Variants in BTRC observed in about 807,000 individuals in gnomAD.
BTRC encodes beta-transducin repeat containing E3 ubiquitin protein ligase.
BTRC carries 42 observed loss-of-function variants against 85.5 expected under a neutral mutation model. The ratio of observed to expected loss-of-function variants is 0.49; its 90% confidence interval spans 0.38 to 0.64. The LOEUF is 0.64. Ranked by LOEUF, BTRC falls within the 30% of genes least tolerant of loss-of-function variation. BTRC has a pLI of 0.00. For synonymous variants in BTRC, 255 were observed against 263.3 expected (o/e 0.97, Z 0.30); for missense variants, 594 against 743.5 (o/e 0.80, Z 2.34).
chr10:101,457,503 T>C (rs1195135353), intron 2 of BTRC, among the ~76,000 whole-genome samples: 2 of 152,180 alleles, frequency 1.3e-5, no homozygotes, highest in Non-Finnish European at 2.9e-5. Flanking sequence ...TTCCATTCAA[T>C]ATTTTAGGAC....
intron 4 of BTRC, among the ~76,000 whole-genome samples, chr10:101,494,787 C>A (rs1161375020): frequency 6.6e-6 from 1 of 152,178 alleles, no homozygotes; most frequent in Non-Finnish European, 1.5e-5. Context: ...AATTATTGAA[C>A]TTTTAATACC....
At chr10:101,402,152 GTACACAGC>G (rs1943508684) in intron 1 of BTRC, among the ~76,000 whole-genome samples, 1 of 152,124 alleles carries the variant, frequency 6.6e-6, no homozygotes, top group Non-Finnish European at 1.5e-5. Flanking sequence ...AGTCTCACAG[GTACACAGC>G]TACTTCATAT....
intron 5 of BTRC, among the ~76,000 whole-genome samples, chr10:101,522,213 T>C (rs903713739): frequency 1.1e-4 from 16 of 146,456 alleles, no homozygotes; most frequent in Non-Finnish European, 2.1e-4. Context: ...GCTAATTTTT[T>C]GTATTTTTAG....
chr10:101,515,321 GA>G (rs1489519632), intron 4 of BTRC, among the ~76,000 whole-genome samples: 14 of 151,838 alleles, frequency 9.2e-5, no homozygotes, highest in African/African-American at 3.4e-4. Context: ...ACAAATTTTA[GA>G]ATCAGCGAGT....
chr10:101,529,434 T>C (rs2062248128), intron 6 of BTRC, among the ~76,000 whole-genome samples: 1 of 152,160 alleles, frequency 6.6e-6, no homozygotes, highest in African/African-American at 2.4e-5. Flanking sequence ...TCAGGAATGG[T>C]GGGCATTGAG....
Position 101,534,809 on chromosome 10 carries a change from A to G in BTRC, c.1246A>G (p.Ile416Val), listed in dbSNP as rs750363572. 17 of 1,614,146 alleles carry G rather than the reference A, an allele frequency of 1.1e-5. No individual in the cohort carries two copies. In the South Asian group the frequency reaches 1.6e-4, roughly 16 times the overall value. ...AVWDMASPTD[I>V]TLRRVLVGHR... is the part of the protein sequence containing the mutation. ...ATGGGATATGGCCTCCCCAACTGAC[A>G]TTACCCTCCGGAGGGTGCTGGTCGG... The change falls in exon 10 of 15, where the codon ATT (isoleucine) becomes GTT (valine). Residue 416 changes from isoleucine to valine, a missense_variant. Transcript: ENST00000370187.
intron 2 of BTRC, among the ~76,000 whole-genome samples, chr10:101,435,022 A>G (rs2134093519): frequency 6.6e-6 from 1 of 152,060 alleles, no homozygotes; most frequent in African/African-American, 2.4e-5. Context: ...GTTCTATGTC[A>G]GGTTCAGCAC....
Position 101,516,887 on chromosome 10 carries a change from C to T in BTRC, c.325-4752C>T, listed in dbSNP as rs563491777. On this transcript the variant is annotated intron_variant, in intron 4 of 14. Transcript: ENST00000370187. ...CAGAAAACAGTACTCCAGTAGCACC[C>T]AACTCATGTCCATTTCCACCTTTTA... is the stretch of plus-strand genomic sequence containing the variant. Among the ~76,000 whole-genome samples the T allele has an allele frequency of 7.2e-5, 11 of 152,284 alleles. No homozygotes were observed. In the South Asian group the frequency reaches 8.3e-4, roughly 11 times the overall value.
At chr10:101,550,558 A>G in intron 13 of BTRC, 141 bp from the exon 14 acceptor site, 1 of 754,886 alleles carries the variant, frequency 1.3e-6, no homozygotes, top group South Asian at 1.9e-5. Flanking sequence ...CTGGGATTAC[A>G]GGTGTGAGCC....
At chr10:101,359,921 T>C (rs1269345819) in intron 1 of BTRC, among the ~76,000 whole-genome samples, 1 of 152,102 alleles carries the variant, frequency 6.6e-6, no homozygotes, top group Non-Finnish European at 1.5e-5. Flanking sequence ...ATTTTCTAAA[T>C]TTATGTTTAT....
chr10:101,469,098 G>T (rs1283386952), intron 3 of BTRC, among the ~76,000 whole-genome samples: 1 of 152,162 alleles, frequency 6.6e-6, no homozygotes, highest in Non-Finnish European at 1.5e-5. Context: ...GTACTCCAAC[G>T]CAAAACTCTC....
At chr10:101,487,489 G>C (rs1946019129) in intron 4 of BTRC, among the ~76,000 whole-genome samples, 1 of 152,164 alleles carries the variant, frequency 6.6e-6, no homozygotes, top group African/African-American at 2.4e-5. Flanking sequence ...CTCAGTGTCT[G>C]GGTTTAACTA....
At chr10:101,370,152 C>T (rs1414243808) in intron 1 of BTRC, among the ~76,000 whole-genome samples, 1 of 152,198 alleles carries the variant, frequency 6.6e-6, no homozygotes, top group African/African-American at 2.4e-5. Flanking sequence ...AGGTCTCACT[C>T]TTTTGCCCAG....
intron 11 of BTRC, 58 bp from the exon 12 acceptor site, chr10:101,536,485 C>T (rs1431425690): frequency 1.5e-6 from 2 of 1,318,870 alleles, no homozygotes; most frequent in African/African-American, 2.9e-5. Flanking sequence ...ATTGTTATAA[C>T]ATTCCAGGCT....
At chr10:101,428,741 C>G (rs541762465) in intron 1 of BTRC, among the ~76,000 whole-genome samples, 2 of 152,294 alleles carry the variant, frequency 1.3e-5, no homozygotes, top group Non-Finnish European at 2.9e-5. Context: ...TAAGCGTAGT[C>G]CTATGGGTGG....
At chr10:101,357,981 T>C (rs1222058909) in intron 1 of BTRC, among the ~76,000 whole-genome samples, 2 of 152,148 alleles carry the variant, frequency 1.3e-5, no homozygotes, top group Admixed American at 1.3e-4. Context: ...AAATGGAAAC[T>C]TGAAGAGAAC....
intron 4 of BTRC, among the ~76,000 whole-genome samples, chr10:101,502,562 C>T (rs1946422635): frequency 6.6e-6 from 1 of 152,064 alleles, no homozygotes; most frequent in South Asian, 2.1e-4. Flanking sequence ...TAAATTTTTG[C>T]ATACCAATCT....
At chr10:101,493,626 A>G (rs1946189570) in intron 4 of BTRC, among the ~76,000 whole-genome samples, 1 of 152,280 alleles carries the variant, frequency 6.6e-6, no homozygotes, top group South Asian at 2.1e-4. Flanking sequence ...GGATTTGGAA[A>G]TCGCAGAAGT....
intron 4 of BTRC, among the ~76,000 whole-genome samples, chr10:101,520,189 G>A (rs1282717395): frequency 2.0e-5 from 3 of 151,972 alleles, no homozygotes; most frequent in African/African-American, 4.8e-5. Context: ...TGTTGCCCAG[G>A]CTGGAGGGAA....
Sources: gnomAD v4.1 joint callset for allele counts (sites outside exome capture counted in the v4.1 genomes callset) on GRCh38, gnomAD v4.1.1 for gene constraint, MANE v1.5 for transcripts, NCBI Gene and HGNC (gene_info 2026-07-23, HGNC 2026-07-21) for gene names.